DNAH10: variants seen among roughly 807,000 people sequenced by gnomAD.
DNAH10 encodes the protein axonemal beta dynein heavy chain 10.
Under a neutral mutation model 506.6 loss-of-function variants are expected in DNAH10, and 348 were observed. The observed-to-expected ratio is 0.69, with a 90% CI of 0.63 to 0.75. The LOEUF is 0.75. DNAH10 is among the 30% of genes least tolerant of loss of function. The pLI is 0.00. For missense variants in DNAH10, 5,179 were observed against 5,787.1 expected (o/e 0.89, Z 3.41); for synonymous variants, 2,059 against 2,198.6 (o/e 0.94, Z 1.78).
rs11611598 is a variant in DNAH10 at position 123,866,533 on chromosome 12, G to A, written c.7167+460G>A. The stretch of plus-strand genomic sequence containing the variant: ...GCTGGGATTACAGGCGTGAGCCACC[G>A]ACACACCGACACACTTATTTAATTT... On this transcript the variant is annotated intron_variant, in intron 41 of 78. Coordinates refer to ENST00000673944, the MANE Select transcript of DNAH10 (RefSeq NM_001372106.1). Among the ~76,000 whole-genome samples, 412 of 152,116 alleles carry A rather than the reference G, an allele frequency of 2.7e-3. 1 individual carries two copies. Among genetic ancestry groups the A allele is most frequent in the Non-Finnish European group, 4.7e-3 (317 of 67,994 alleles).
chr12:123,829,207 G>C (rs1960283958), intron 25 of DNAH10, among the ~76,000 whole-genome samples: 1 of 152,146 alleles, frequency 6.6e-6, no homozygotes, highest in African/African-American at 2.4e-5. Flanking sequence ...TTGGTGGTGG[G>C]AAAAAGGAAG....
chr12:123,834,276 C>T (rs543870228), intron 27 of DNAH10, among the ~76,000 whole-genome samples: 5 of 152,110 alleles, frequency 3.3e-5, no homozygotes, highest in African/African-American at 9.7e-5. Context: ...GGTGCCATCT[C>T]GGCTCATTGC....
chr12:123,850,973 C>T lies in DNAH10; in HGVS notation c.6188C>T (p.Pro2063Leu). ...GGCTACGCAGGCCGCACGGAGCTGCCCGAGTCGGTGAAGGCGCTGTTCAGG... is the reference window on the plus strand; with the variant it reads ...GGCTACGCAGGCCGCACGGAGCTGCTCGAGTCGGTGAAGGCGCTGTTCAGG... Reference protein sequence around the residue: ...NPGYAGRTELPESVKALFRPV... With the variant: ...NPGYAGRTELLESVKALFRPV... The change falls in exon 35 of 79, where the codon CCC becomes CTC. Residue 2063 changes from proline (P) to leucine (L), a missense_variant. Coordinates refer to ENST00000673944, the MANE Select transcript of DNAH10 (RefSeq NM_001372106.1). This position sits in a 1 kb window ranked among gnomAD's most constrained non-coding sequence, Gnocchi z 5.5. 6.2e-7 allele frequency: 1 copy of T among 1,614,094 alleles called. No homozygotes were observed. Among genetic ancestry groups the T allele is most frequent in the Non-Finnish European group, 8.5e-7 (1 of 1,179,990 alleles).
chr12:123,803,222 T>C (rs920052248), intron 16 of DNAH10, among the ~76,000 whole-genome samples: 1 of 152,156 alleles, frequency 6.6e-6, no homozygotes, highest in African/African-American at 2.4e-5. Flanking sequence ...GTGATCCACT[T>C]TGGGGTTTTT....
intron 65 of DNAH10, among the ~76,000 whole-genome samples, chr12:123,922,198 C>A (rs1954760477): frequency 6.6e-6 from 1 of 152,102 alleles, no homozygotes; most frequent in South Asian, 2.1e-4. Context: ...CCTGGTGAAA[C>A]CCCGTCTCTA....
chr12:123,930,364 C>T, intron 72 of DNAH10, 38 bp from the exon 73 acceptor site: 3 of 1,487,472 alleles, frequency 2.0e-6, no homozygotes, highest in African/African-American at 1.4e-5. Flanking sequence ...ACAGTAGGTT[C>T]TGAGCTCCTG....
At chr12:123,771,553 A>C in intron 2 of DNAH10, 48 bp from the exon 3 acceptor site, 2 of 1,532,718 alleles carry the variant, frequency 1.3e-6, no homozygotes, top group Non-Finnish European at 1.8e-6. Context: ...GATGGTAGGA[A>C]ACCTAATTTT....
Position 123,929,442 on chromosome 12 carries a change from T to G in DNAH10, c.12474T>G (p.Ile4158Met), listed in dbSNP as rs1284339012. ...AGGAGAGAAGGAAGTTTGGGAAGAT[T>G]GGCTGGAACGTGTACTATGACTTCA... The part of the protein sequence containing the change: ...VVQERRKFGK[I>M]GWNVYYDFNE... Residue 4158 changes from isoleucine (I) to methionine (M), a missense_variant, in exon 71 of 79, where the codon ATT becomes ATG. This residue lies in a region of DNAH10 where 4,844 missense variants were observed against 5,430.5 expected (regional missense o/e 0.89). Transcript: ENST00000673944. The G allele has an allele frequency of 1.9e-6, 3 of 1,613,652 alleles. No individual in the cohort carries two copies. The highest frequency in any genetic ancestry group is 2.5e-6 in the Non-Finnish European group (3 of 1,179,850).
chr12:123,854,069 GTT>G (rs10648649), intron 36 of DNAH10, among the ~76,000 whole-genome samples: 8 of 117,024 alleles, frequency 6.8e-5, no homozygotes, highest in Non-Finnish European at 1.4e-4. Flanking sequence ...ACACATTTGG[GTT>G]TTTTTTTTTT....
chr12:123,927,409 G>C (rs1594404253), intron 69 of DNAH10: 1 of 156,440 alleles, frequency 6.4e-6, no homozygotes, highest in East Asian at 1.9e-4. Flanking sequence ...CTTAGTCCCT[G>C]AACAGCCTCA....
At chr12:123,769,437 A>C (rs1003675260) in intron 2 of DNAH10, among the ~76,000 whole-genome samples, 4 of 152,030 alleles carry the variant, frequency 2.6e-5, no homozygotes, top group Non-Finnish European at 4.4e-5. Context: ...TCGGCCTCCC[A>C]AAGTGTTGGG....
At chr12:123,781,953 T>A (rs1336244923) in intron 6 of DNAH10, among the ~76,000 whole-genome samples, 1 of 152,168 alleles carries the variant, frequency 6.6e-6, no homozygotes, top group African/African-American at 2.4e-5. Context: ...TTCCATTGAT[T>A]TTTTAAACAC....
At chr12:123,803,008 T>G (rs1958531727) in intron 16 of DNAH10, among the ~76,000 whole-genome samples, 1 of 152,218 alleles carries the variant, frequency 6.6e-6, no homozygotes, top group African/African-American at 2.4e-5. Flanking sequence ...GCAGCTATTT[T>G]CTCCCACTCT....
chr12:123,881,865 T>C, intron 51 of DNAH10, 52 bp downstream of exon 51: 3 of 1,418,594 alleles, frequency 2.1e-6, no homozygotes, highest in South Asian at 1.6e-5. Context: ...GTTTCTGCAG[T>C]TGGTAGTTCG....
At position 123,796,604 on chromosome 12, in the gene DNAH10, G is replaced by A; in HGVS notation, c.1987-52G>A. Reference sequence around the variant, plus strand: ...TAAAGATTCAAATCTCATCTTTCTTGGCTAACCTGGCGATGTTTATCACTT... The same window carrying A: ...TAAAGATTCAAATCTCATCTTTCTTAGCTAACCTGGCGATGTTTATCACTT... On this transcript the variant is annotated intron_variant, in intron 12 of 78. Transcript: ENST00000673944. 2.7e-6 allele frequency: 4 copies of A among 1,488,432 alleles called. No homozygotes were observed. In the South Asian group the frequency reaches 4.2e-5, roughly 16 times the overall value. 92.2% of individuals were successfully genotyped at this position (1,488,432 alleles called of 1,614,324 possible).
In DNAH10 at chr12:123,762,674, A is replaced by G; in HGVS notation, c.214+124A>G. ...GCCCCGGCCTCAGGTGCTGTCCACA[A>G]ACGCTGCCGCCCGCCACGTGCAGGC... On this transcript the variant is annotated intron_variant, in intron 1 of 78. Coordinates refer to ENST00000673944, the MANE Select transcript of DNAH10 (RefSeq NM_001372106.1). The surrounding 1 kb of genome is among the most constrained non-coding windows in gnomAD (Gnocchi z 5.0). 9.9e-7 allele frequency: 1 copy of G among 1,006,106 alleles called. No homozygotes were observed. The highest frequency in any genetic ancestry group is 1.4e-6 in the Non-Finnish European group (1 of 727,508). The allele number at this position is 1,006,106 out of a possible 1,614,324, so 62.3% of individuals were successfully genotyped here. A position where few individuals can be genotyped will look rare whatever the true frequency, so the allele number is the denominator to read the frequency against.
At chr12:123,803,909 TAA>T in intron 17 of DNAH10, 84 bp downstream of exon 17, 1 of 1,260,550 alleles carries the variant, frequency 7.9e-7, no homozygotes, top group Non-Finnish European at 1.1e-6. Context: ...TATGTACCTA[TAA>T]ATATACATAT....
chr12:123,800,463 G>C, intron 15 of DNAH10, 75 bp downstream of exon 15: 1 of 1,335,374 alleles, frequency 7.5e-7, no homozygotes, highest in South Asian at 1.4e-5. Flanking sequence ...AAAAATTATT[G>C]AGGACCCCTC....
chr12:123,788,391 C>T (rs998479472), intron 10 of DNAH10, among the ~76,000 whole-genome samples: 5 of 152,190 alleles, frequency 3.3e-5, no homozygotes, highest in African/African-American at 7.2e-5. Flanking sequence ...CAGAGCTCCA[C>T]GGATGGACAA....
Sources: gnomAD v4.1 joint callset for allele counts (sites outside exome capture counted in the v4.1 genomes callset) on GRCh38, gnomAD v4.1.1 for gene constraint, gnomAD v4.1.1 regional missense constraint, Gnocchi (gnomAD v3.1) non-coding constraint, MANE v1.5 for transcripts, NCBI Gene and HGNC (gene_info 2026-07-23, HGNC 2026-07-21) for gene names.